The following DLGAP2 variants were observed in gnomAD, a reference collection of about 807,000 sequenced individuals.
The protein encoded by DLGAP2 is disks large-associated protein 2.
DLGAP2 carries 26 observed loss-of-function variants against 100.3 expected under a neutral mutation model. The observed-to-expected ratio is 0.26, with a 90% CI of 0.19 to 0.36. The LOEUF (loss-of-function observed/expected upper bound fraction) is 0.36. Ranked by LOEUF, DLGAP2 falls within the 10% of genes least tolerant of loss-of-function variation. The pLI, the probability that DLGAP2 is intolerant of heterozygous loss-of-function variation, is 1.00. For synonymous variants in DLGAP2, 886 were observed against 630.1 expected (o/e 1.41, Z -6.08); for missense variants, 1,858 against 1,453.2 (o/e 1.28, Z -4.53).
At chr8:1,429,686 C>T (rs1797352462) in intron 3 of DLGAP2, among the ~76,000 whole-genome samples, 1 of 151,830 alleles carries the variant, frequency 6.6e-6, no homozygotes, top group African/African-American at 2.4e-5. Flanking sequence ...AGGGATGAGC[C>T]TGCAGCAGGC....
rs532466834 is a variant in DLGAP2 at position 1,295,140 on chromosome 8, G to T, written c.106+36257G>T. On this transcript the variant is annotated intron_variant, in intron 3 of 14. Coordinates refer to ENST00000637795, the MANE Select transcript of DLGAP2 (RefSeq NM_001346810.2). ...GGGACTGTGGGCTGTTCTCAAACTC[G>T]TCTCCTTGGGTGTCTGCGTGTTCTG... Among the ~76,000 whole-genome samples the T allele has an allele frequency of 7.2e-4, 109 of 152,222 alleles. 1 individual carries two copies. Among genetic ancestry groups the T allele is most frequent in the Admixed American group, 2.1e-3 (32 of 15,292 alleles).
chr8:966,157 G>A (rs1481960724), intron 2 of DLGAP2, among the ~76,000 whole-genome samples: 1 of 152,196 alleles, frequency 6.6e-6, no homozygotes, highest in Non-Finnish European at 1.5e-5. Context: ...AGTAAACGCA[G>A]CTGTAACATC....
intron 3 of DLGAP2, among the ~76,000 whole-genome samples, chr8:1,499,074 C>G (rs974565265): frequency 6.6e-6 from 1 of 152,210 alleles, no homozygotes; most frequent in Non-Finnish European, 1.5e-5. Flanking sequence ...AGCGTTTGTA[C>G]TCCTGCAATT....
chr8:759,092 G>C (rs77760384), intron 1 of DLGAP2, among the ~76,000 whole-genome samples: 1 of 13,688 alleles, frequency 7.3e-5, no homozygotes, highest in Non-Finnish European at 1.6e-4. Context: ...CAGCCTTCCT[G>C]TTATCAATAC....
chr8:1,107,878 C>T lies in DLGAP2; in HGVS notation c.74-150973C>T, dbSNP rs550011308. Reference sequence around the variant, plus strand: ...CCTAAGCTGACAAATGTCTATAGCTCGGGGAGCACGAGAGGGAGCTCACGA... The same window carrying T: ...CCTAAGCTGACAAATGTCTATAGCTTGGGGAGCACGAGAGGGAGCTCACGA... On this transcript the variant is annotated intron_variant, in intron 2 of 14. Coordinates refer to ENST00000637795, the MANE Select transcript of DLGAP2 (RefSeq NM_001346810.2). Among the ~76,000 whole-genome samples, 36 of 152,150 alleles carry T rather than the reference C, an allele frequency of 2.4e-4. 1 individual carries two copies. The South Asian group carries it at 6.6e-3, about 28-fold the overall frequency.
intron 8 of DLGAP2, among the ~76,000 whole-genome samples, chr8:1,644,181 G>A (rs936971428): frequency 6.6e-6 from 1 of 152,052 alleles, no homozygotes; most frequent in African/African-American, 2.4e-5. Flanking sequence ...TGCCTCCTCA[G>A]CCTCCAGGGG....
intron 1 of DLGAP2, among the ~76,000 whole-genome samples, chr8:892,782 C>T (rs551400842): frequency 1.1e-3 from 171 of 152,282 alleles, no homozygotes; most frequent in Non-Finnish European, 2.0e-3. Flanking sequence ...CCAGCAGTAG[C>T]AGCAACATCT....
At chr8:962,658 C>T (rs531120788) in intron 2 of DLGAP2, among the ~76,000 whole-genome samples, 10 of 152,168 alleles carry the variant, frequency 6.6e-5, no homozygotes, top group African/African-American at 2.4e-4. Context: ...AGAGGCTCCG[C>T]TTGGTATTCC....
intron 1 of DLGAP2, among the ~76,000 whole-genome samples, chr8:742,123 C>A (rs943528293): frequency 2.2e-4 from 33 of 152,354 alleles, no homozygotes; most frequent in Admixed American, 1.9e-3. Flanking sequence ...CCCTGACAAG[C>A]AAATGGGATG....
In DLGAP2 at chr8:1,182,773, C is replaced by T. The variant is rs540494711; in HGVS notation, c.74-76078C>T. Among the ~76,000 whole-genome samples, 9 of 152,256 alleles carry T rather than the reference C, an allele frequency of 5.9e-5. No individual in the cohort carries two copies. In the South Asian group the frequency reaches 6.2e-4, roughly 11 times the overall value. On this transcript the variant is annotated intron_variant, in intron 2 of 14. Transcript: ENST00000637795. ...AGAGCTCACACTATCGAGTCCAGCG[C>T]GCATGTGAGAGGCAGGAAGGGAGAG... is the stretch of plus-strand genomic sequence containing the variant.
chr8:898,158 G>T (rs1798182275), intron 1 of DLGAP2, among the ~76,000 whole-genome samples: 1 of 152,220 alleles, frequency 6.6e-6, no homozygotes, highest in Non-Finnish European at 1.5e-5. Context: ...CGCTCAGTCA[G>T]CCGCTGAGGG....
rs557907491 is a variant in DLGAP2, at chr8:1,225,857, C to T, written c.74-32994C>T. On this transcript the variant is annotated intron_variant, in intron 2 of 14. Coordinates refer to ENST00000637795, the MANE Select transcript of DLGAP2 (RefSeq NM_001346810.2). Reference sequence around the variant, plus strand: ...AGGAGTAAATTTTCAGTTCACACCACAAAAAAGTTTAAGCAGGTTGATTTA... The same window carrying T: ...AGGAGTAAATTTTCAGTTCACACCATAAAAAAGTTTAAGCAGGTTGATTTA... Among the ~76,000 whole-genome samples the T allele has an allele frequency of 3.3e-5, 5 of 152,212 alleles. No homozygotes were observed. The South Asian group carries it at 1.0e-3, about 32-fold the overall frequency.
intron 6 of DLGAP2, among the ~76,000 whole-genome samples, chr8:1,579,890 A>G (rs1441186397): frequency 1.3e-5 from 2 of 152,212 alleles, no homozygotes; most frequent in Non-Finnish European, 1.5e-5. Flanking sequence ...TACCACCCTC[A>G]GCAAAAGGCT....
chr8:1,077,423 G>A (rs1803657395), intron 2 of DLGAP2, among the ~76,000 whole-genome samples: 1 of 152,198 alleles, frequency 6.6e-6, no homozygotes, highest in Non-Finnish European at 1.5e-5. Context: ...AGGGGCGGTG[G>A]TGATGTCAGG....
At chr8:1,381,892 A>G (rs1430600376) in intron 3 of DLGAP2, among the ~76,000 whole-genome samples, 1 of 152,002 alleles carries the variant, frequency 6.6e-6, no homozygotes, top group East Asian at 1.9e-4. Context: ...ATTTACATTA[A>G]GGAAATATAA....
intron 3 of DLGAP2, chr8:1,259,518 C>G (rs1226894898): frequency 1.3e-5 from 2 of 152,198 alleles, no homozygotes; most frequent in South Asian, 2.1e-4. Flanking sequence ...AGCGGGGACT[C>G]TGAATTAACT....
At chr8:1,220,576 G>T (rs1391971010) in intron 2 of DLGAP2, among the ~76,000 whole-genome samples, 2 of 152,058 alleles carry the variant, frequency 1.3e-5, no homozygotes, top group African/African-American at 2.4e-5. Context: ...TATATATTCT[G>T]TTGTTGTTGG....
chr8:837,201 G>A (rs189319298), intron 1 of DLGAP2, among the ~76,000 whole-genome samples: 17 of 152,294 alleles, frequency 1.1e-4, no homozygotes, highest in Admixed American at 9.8e-4. Context: ...TCGGGATCTC[G>A]CGGGCCGTGT....
intron 1 of DLGAP2, among the ~76,000 whole-genome samples, chr8:833,525 G>A (rs1796818984): frequency 6.6e-6 from 1 of 152,200 alleles, no homozygotes; most frequent in Admixed American, 6.5e-5. Context: ...GGGTGGGGGT[G>A]TCTCTGATGC....
Sources: gnomAD v4.1 joint callset for allele counts (sites outside exome capture counted in the v4.1 genomes callset) on GRCh38, gnomAD v4.1.1 for gene constraint, MANE v1.5 for transcripts, NCBI Gene and HGNC (gene_info 2026-07-23, HGNC 2026-07-21) for gene names.